FHIT: variants seen among roughly 807,000 people sequenced by gnomAD.
FHIT encodes the protein fragile histidine triad diadenosine triphosphatase.
In FHIT, 19 loss-of-function variants were observed where a neutral mutation model predicts 17.9. The observed-to-expected ratio is 1.06, with a 90% CI of 0.74 to 1.56. FHIT has a LOEUF of 1.56. Among genes scored for constraint, FHIT ranks in the 40% most tolerant of loss-of-function variants. The pLI is 0.00. For synonymous variants in FHIT, 81 were observed against 69.7 expected (o/e 1.16, Z -0.81); for missense variants, 248 against 189.2 (o/e 1.31, Z -1.82).
chr3:60,192,515 C>T (rs535066809), intron 5 of FHIT, among the ~76,000 whole-genome samples: 37 of 152,204 alleles, frequency 2.4e-4, no homozygotes, highest in African/African-American at 8.4e-4. Context: ...TGGGTGGACA[C>T]GTAACCAGAG....
At chr3:59,934,320 A>C (rs1443157774) in intron 7 of FHIT, among the ~76,000 whole-genome samples, 1 of 152,162 alleles carries the variant, frequency 6.6e-6, no homozygotes, top group Non-Finnish European at 1.5e-5. Flanking sequence ...TACTACTATC[A>C]ACACTCTGGT....
At chr3:60,630,468 A>G (rs782158086) in intron 4 of FHIT, among the ~76,000 whole-genome samples, 1 of 152,226 alleles carries the variant, frequency 6.6e-6, no homozygotes, top group African/African-American at 2.4e-5. Context: ...TCAAAATCCT[A>G]TATTAAGGGG....
chr3:60,956,971 G>T (rs1398691243), intron 3 of FHIT, among the ~76,000 whole-genome samples: 3 of 152,094 alleles, frequency 2.0e-5, no homozygotes, highest in Non-Finnish European at 4.4e-5. Context: ...AGAAGAGCAG[G>T]TCTCACAGAA....
At chr3:60,149,529 G>A (rs915139197) in intron 5 of FHIT, among the ~76,000 whole-genome samples, 28 of 152,098 alleles carry the variant, frequency 1.8e-4, no homozygotes, top group African/African-American at 5.5e-4. Flanking sequence ...CTAAGGTTCC[G>A]GAGCTCCATG....
chr3:60,220,861 C>A (rs146707442), intron 5 of FHIT, among the ~76,000 whole-genome samples: 3,949 of 152,208 alleles, frequency 0.026, 70 homozygotes, highest in Middle Eastern at 0.082. Context: ...ACAGTCGATG[C>A]CATTTCCATC....
intron 3 of FHIT, among the ~76,000 whole-genome samples, chr3:60,858,346 G>A (rs576192268): frequency 6.6e-6 from 1 of 152,284 alleles, no homozygotes; most frequent in South Asian, 2.1e-4. Context: ...AGAACTCACT[G>A]AGAATTGTGT....
intron 8 of FHIT, among the ~76,000 whole-genome samples, chr3:59,757,526 T>C (rs1255826039): frequency 2.0e-5 from 3 of 152,196 alleles, no homozygotes; most frequent in Non-Finnish European, 2.9e-5. Context: ...GCCTTTGCTA[T>C]TGACATCTTT....
chr3:59,880,977 C>A (rs1703385068), intron 8 of FHIT, among the ~76,000 whole-genome samples: 1 of 152,090 alleles, frequency 6.6e-6, no homozygotes, highest in Non-Finnish European at 1.5e-5. Context: ...CTTGGAATAG[C>A]AGTGCTATTG....
At chr3:59,903,088 C>A (rs370589435) in intron 8 of FHIT, among the ~76,000 whole-genome samples, 22 of 152,182 alleles carry the variant, frequency 1.4e-4, no homozygotes, top group African/African-American at 5.3e-4. Flanking sequence ...GTGAATCATA[C>A]CTTAATCAAG....
intron 5 of FHIT, among the ~76,000 whole-genome samples, chr3:60,293,955 T>C (rs1160404856): frequency 2.0e-5 from 3 of 152,152 alleles, no homozygotes; most frequent in African/African-American, 7.2e-5. Context: ...TGGAATTCAC[T>C]AGGAGGTAAA....
intron 4 of FHIT, among the ~76,000 whole-genome samples, chr3:60,570,230 A>G (rs1157987680): frequency 6.6e-6 from 1 of 152,214 alleles, no homozygotes; most frequent in African/African-American, 2.4e-5. Context: ...GGAGATGTTC[A>G]GCAGAGAGAC....
intron 4 of FHIT, among the ~76,000 whole-genome samples, chr3:60,615,858 C>A (rs1278710516): frequency 6.6e-6 from 1 of 152,192 alleles, no homozygotes; most frequent in Non-Finnish European, 1.5e-5. Flanking sequence ...CCAGAATACT[C>A]TTCCCTGGAT....
At chr3:60,042,834 A>C (rs1382792455) in intron 5 of FHIT, among the ~76,000 whole-genome samples, 2 of 152,188 alleles carry the variant, frequency 1.3e-5, no homozygotes, top group African/African-American at 4.8e-5. Flanking sequence ...TTTAAAAGCT[A>C]GTGGCTGGGA....
chr3:60,663,451 C>G (rs2040309466), intron 4 of FHIT, among the ~76,000 whole-genome samples: 1 of 151,256 alleles, frequency 6.6e-6, no homozygotes, highest in African/African-American at 2.4e-5. Context: ...TTATTTATTT[C>G]TGAGACGGAA....
chr3:60,388,869 G>A (rs6801889), intron 5 of FHIT, among the ~76,000 whole-genome samples: 38,210 of 151,874 alleles, frequency 0.25, 4,969 homozygotes, highest in East Asian at 0.47. Context: ...AGGAGGCTGT[G>A]GTACAGAGGG....
intron 5 of FHIT, among the ~76,000 whole-genome samples, chr3:60,434,032 T>C (rs187227028): frequency 2.6e-5 from 4 of 152,242 alleles, no homozygotes; most frequent in African/African-American, 9.6e-5. Context: ...ACAGACGTTA[T>C]AGATTCAGGT....
intron 5 of FHIT, among the ~76,000 whole-genome samples, chr3:60,127,749 C>T (rs183966498): frequency 1.6e-4 from 24 of 152,166 alleles, no homozygotes; most frequent in Non-Finnish European, 3.2e-4. Flanking sequence ...TATTGGCGTG[C>T]TCCTCCATGT....
At position 60,011,475 on chromosome 3, in the gene FHIT, T is replaced by C. The variant is rs894886753; in HGVS notation, c.250-75A>G. The C allele has an allele frequency of 5.9e-5, 73 of 1,234,334 alleles. No homozygotes were observed. The Admixed American group carries it at 1.3e-3, about 21-fold the overall frequency. 76.5% of individuals were successfully genotyped at this position (1,234,334 alleles called of 1,614,324 possible). ...CCTGCTTATTCAGAAATATCACCCATTAATAATTTAGATGCAATTTCATTG... is the reference window on the plus strand; with the variant it reads ...CCTGCTTATTCAGAAATATCACCCACTAATAATTTAGATGCAATTTCATTG... On this transcript the variant is annotated intron_variant, in intron 6 of 9. Coordinates refer to ENST00000492590, the MANE Select transcript of FHIT (RefSeq NM_002012.4).
At chr3:60,719,459 G>A (rs2041761137) in intron 4 of FHIT, among the ~76,000 whole-genome samples, 1 of 152,134 alleles carries the variant, frequency 6.6e-6, no homozygotes, top group Non-Finnish European at 1.5e-5. Flanking sequence ...TCTTTCAGGA[G>A]CTGTAGAGTT....
Sources: allele counts gnomAD v4.1 joint callset (sites outside exome capture counted in the v4.1 genomes callset), GRCh38; gene constraint gnomAD v4.1.1; transcripts MANE v1.5; gene names NCBI Gene and HGNC (gene_info 2026-07-23, HGNC 2026-07-21).